The following BICC1 variants were observed in gnomAD, a reference collection of about 807,000 sequenced individuals.
The protein encoded by BICC1 is protein bicaudal C homolog 1.
Under a neutral mutation model 111.0 loss-of-function variants are expected in BICC1, and 43 were observed. That is an observed-to-expected ratio of 0.39 (90% CI 0.30 to 0.50). The LOEUF (loss-of-function observed/expected upper bound fraction) is 0.50. BICC1 is among the 20% of genes least tolerant of loss of function. The pLI, the probability that BICC1 is intolerant of heterozygous loss-of-function variation, is 0.88. For synonymous variants in BICC1, 467 were observed against 434.4 expected (o/e 1.07, Z -0.93); for missense variants, 1,091 against 1,203.2 (o/e 0.91, Z 1.38).
intron 1 of BICC1, among the ~76,000 whole-genome samples, chr10:58,605,106 C>T (rs1264180542): frequency 6.6e-6 from 1 of 152,168 alleles, no homozygotes; most frequent in Admixed American, 6.5e-5. Context: ...AACATTTAGA[C>T]CAGAGCAAAT....
At chr10:58,715,705 A>G in intron 3 of BICC1, 3 of 1,584,052 alleles carry the variant, frequency 1.9e-6, no homozygotes, top group Non-Finnish European at 1.7e-6. Flanking sequence ...CTAGAAAAGA[A>G]AAAGAAAGGT....
chr10:58,789,798 G>A lies in BICC1; in HGVS notation c.912G>A (p.Gly304=). The A allele has an allele frequency of 6.2e-7, 1 of 1,614,064 alleles. No individual in the cohort carries two copies. ...QHHLFMMGRN[G]SNIKHIMQRT... ...ATCTCTTTATGATGGGTCGAAATGG[G>A]AGCAACATCAAACATATCATGCAGA... is the stretch of plus-strand genomic sequence containing the variant. The change falls in exon 8 of 21, where the codon GGG becomes GGA. Residue 304 remains glycine, a synonymous_variant. Transcript: ENST00000373886.
At chr10:58,651,694 C>A (rs896865290) in intron 2 of BICC1, among the ~76,000 whole-genome samples, 1 of 152,148 alleles carries the variant, frequency 6.6e-6, no homozygotes, top group African/African-American at 2.4e-5. Context: ...ATACATACAT[C>A]TAGAGTGCTG....
At chr10:58,716,781 T>G (rs906839769) in intron 3 of BICC1, among the ~76,000 whole-genome samples, 24 of 148,314 alleles carry the variant, frequency 1.6e-4, no homozygotes, top group Non-Finnish European at 3.1e-4. Flanking sequence ...CTTTTAGGGT[T>G]GGGGGGGTGG....
intron 1 of BICC1, among the ~76,000 whole-genome samples, chr10:58,569,692 T>G (rs895590435): frequency 5.3e-5 from 8 of 152,202 alleles, no homozygotes; most frequent in East Asian, 1.9e-4. Flanking sequence ...GTTTCCAGCT[T>G]CTTCTATGTC....
chr10:58,642,348 C>T (rs1361550533), intron 2 of BICC1, among the ~76,000 whole-genome samples: 1 of 152,052 alleles, frequency 6.6e-6, no homozygotes, highest in Non-Finnish European at 1.5e-5. Context: ...CTTAGCTTGT[C>T]TTCCCTGAAA....
chr10:58,758,487 A>C (rs1842209032), intron 3 of BICC1, among the ~76,000 whole-genome samples: 1 of 152,232 alleles, frequency 6.6e-6, no homozygotes. Flanking sequence ...CACATAGTTC[A>C]TCTAGTTTTT....
intron 1 of BICC1, among the ~76,000 whole-genome samples, chr10:58,551,175 C>T (rs1843286409): frequency 6.6e-6 from 1 of 152,084 alleles, no homozygotes; most frequent in African/African-American, 2.4e-5. Flanking sequence ...GCTGTATCCC[C>T]TTTACCTAGG....
At chr10:58,790,019 A>G (rs1843129885) in intron 8 of BICC1, 86 bp downstream of exon 8, 2 of 1,450,292 alleles carry the variant, frequency 1.4e-6, no homozygotes, top group South Asian at 2.7e-5. Flanking sequence ...CTAATGTGAT[A>G]TTTAGGAAAG....
intron 1 of BICC1, among the ~76,000 whole-genome samples, chr10:58,538,289 G>A (rs1255289222): frequency 8.6e-6 from 1 of 115,930 alleles, no homozygotes; most frequent in Admixed American, 1.1e-4. Flanking sequence ...ATAGACCGTG[G>A]AACAAAATAG....
chr10:58,822,296 C>T (rs1475544007), intron 20 of BICC1, among the ~76,000 whole-genome samples: 2 of 151,872 alleles, frequency 1.3e-5, no homozygotes, highest in Admixed American at 6.6e-5. Flanking sequence ...TTTTTGGTGT[C>T]CCAACCCAAT....
intron 3 of BICC1, chr10:58,715,478 C>A: frequency 2.4e-6 from 2 of 834,894 alleles, no homozygotes; most frequent in East Asian, 2.5e-5. Context: ...GGCAAGAGGA[C>A]CTGTGGCAGG....
intron 2 of BICC1, among the ~76,000 whole-genome samples, chr10:58,635,011 G>C (rs1837913384): frequency 6.6e-6 from 1 of 152,128 alleles, no homozygotes; most frequent in Non-Finnish European, 1.5e-5. Flanking sequence ...CTCAGGGGTG[G>C]CAGAGGCAAA....
chr10:58,618,420 A>G lies in BICC1; in HGVS notation c.191-2435A>G, dbSNP rs186846359. 5.9e-3 allele frequency among the ~76,000 whole-genome samples: 904 copies of G among 152,304 alleles called. 5 individuals carry two copies. Among genetic ancestry groups the G allele is most frequent in the Non-Finnish European group, 0.01 (696 of 68,024 alleles). On this transcript the variant is annotated intron_variant, in intron 1 of 20. Transcript: ENST00000373886. ...AGGTCGTGCTTGGCTTGGAGCCACT[A>G]TTGTCTGTAAAAGGTATAATTATCC...
rs1334317062 is a variant in BICC1 at position 58,803,258 on chromosome 10, T to C, written c.2181+16T>C. 9 of 1,565,686 alleles carry C rather than the reference T, an allele frequency of 5.7e-6. No homozygotes were observed. Among genetic ancestry groups the C allele is most frequent in the Non-Finnish European group, 7.8e-6 (9 of 1,152,528 alleles). On this transcript the variant is annotated intron_variant, in intron 15 of 20. Transcript: ENST00000373886. ...CAACATGCAGGTAATGGTAATAAAA[T>C]AGGAAAGCCACTCAAATGTCATATG...
intron 9 of BICC1, among the ~76,000 whole-genome samples, chr10:58,794,733 T>C (rs1248724640): frequency 2.0e-5 from 3 of 152,180 alleles, no homozygotes; most frequent in African/African-American, 7.2e-5. Context: ...AATAAATCTT[T>C]TATTAAGTGC....
intron 1 of BICC1, among the ~76,000 whole-genome samples, chr10:58,599,220 G>A (rs75916345): frequency 0.29 from 43,317 of 151,968 alleles, 6,485 homozygotes; most frequent in East Asian, 0.45. Flanking sequence ...TTGTGGCACT[G>A]TTCACAATAG....
intron 1 of BICC1, among the ~76,000 whole-genome samples, chr10:58,549,474 T>A (rs1344618035): frequency 6.6e-6 from 1 of 152,168 alleles, no homozygotes; most frequent in Non-Finnish European, 1.5e-5. Context: ...TGTCAGTTTT[T>A]AAAATTTTCG....
intron 1 of BICC1, among the ~76,000 whole-genome samples, chr10:58,552,786 T>G (rs1843330641): frequency 6.6e-6 from 1 of 152,178 alleles, no homozygotes. Context: ...ACTAGATTGG[T>G]GGTGAGATAT....
Sources: gnomAD v4.1 joint callset for allele counts (sites outside exome capture counted in the v4.1 genomes callset) on GRCh38, gnomAD v4.1.1 for gene constraint, MANE v1.5 for transcripts, NCBI Gene and HGNC (gene_info 2026-07-23, HGNC 2026-07-21) for gene names.